Variants in ADGRL2 observed in about 807,000 individuals in gnomAD.
ADGRL2 encodes adhesion G protein-coupled receptor L2.
A neutral mutation model predicts 157.4 loss-of-function variants in ADGRL2; 44 were observed. That is an observed-to-expected ratio of 0.28 (90% CI 0.22 to 0.36). ADGRL2 has a LOEUF of 0.36. ADGRL2 is among the 10% of genes least tolerant of loss of function. The pLI, the probability that ADGRL2 is intolerant of heterozygous loss-of-function variation, is 1.00. For missense variants in ADGRL2, 1,510 were observed against 1,768.9 expected (o/e 0.85, Z 2.63); for synonymous variants, 585 against 624.7 (o/e 0.94, Z 0.95).
intron 1 of ADGRL2, among the ~76,000 whole-genome samples, chr1:81,401,260 C>A (rs1427112592): frequency 6.6e-6 from 1 of 152,158 alleles, no homozygotes; most frequent in Non-Finnish European, 1.5e-5. Context: ...TTCTGGGATG[C>A]CTGGTGCTGC....
intron 8 of ADGRL2, 52 bp downstream of exon 8, chr1:81,951,173 CT>C: frequency 8.4e-7 from 1 of 1,190,098 alleles, no homozygotes; most frequent in South Asian, 1.2e-5. Flanking sequence ...GCATTAACTT[CT>C]AACATAAATA....
intron 3 of ADGRL2, among the ~76,000 whole-genome samples, chr1:81,693,501 G>C (rs962025167): frequency 6.6e-6 from 1 of 152,198 alleles, no homozygotes; most frequent in African/African-American, 2.4e-5. Context: ...GACACATTAT[G>C]ACTTCCCTGT....
intron 2 of ADGRL2, 142 bp downstream of exon 2, chr1:81,837,199 T>C: frequency 2.0e-6 from 1 of 493,612 alleles, no homozygotes; most frequent in Admixed American, 4.2e-5. Flanking sequence ...GAATTGTTTA[T>C]TAGGTGGTTG....
intron 2 of ADGRL2, among the ~76,000 whole-genome samples, chr1:81,903,719 A>C (rs1275275136): frequency 6.9e-6 from 1 of 144,170 alleles, no homozygotes; most frequent in East Asian, 2.0e-4. Flanking sequence ...TATTCATTAT[A>C]TATATATATA....
chr1:81,486,264 C>T (rs2078497869), intron 2 of ADGRL2, among the ~76,000 whole-genome samples: 1 of 152,120 alleles, frequency 6.6e-6, no homozygotes, highest in African/African-American at 2.4e-5. Context: ...GTTTACAAGA[C>T]CGATATTCCC....
In ADGRL2 at chr1:81,430,121, G is replaced by A. The variant is rs971156094; in HGVS notation, c.-301-14915G>A. ...TTGGTCAGGCTGGTTTCGAACTCCCGACCTCAGGTGATCCGCCAGCCTGGG... is the reference window on the plus strand; with the variant it reads ...TTGGTCAGGCTGGTTTCGAACTCCCAACCTCAGGTGATCCGCCAGCCTGGG... On this transcript the variant is annotated intron_variant, in intron 1 of 24. Coordinates refer to the ADGRL2 transcript ENST00000370721. Among the ~76,000 whole-genome samples the A allele has an allele frequency of 1.4e-4, 21 of 152,288 alleles. 1 individual carries two copies. Among genetic ancestry groups the A allele is most frequent in the Admixed American group, 1.1e-3 (17 of 15,284 alleles).
intron 2 of ADGRL2, among the ~76,000 whole-genome samples, chr1:81,456,134 A>G (rs2077800679): frequency 6.6e-6 from 1 of 152,226 alleles, no homozygotes; most frequent in African/African-American, 2.4e-5. Flanking sequence ...AAAGTGTTAC[A>G]TAACAACACA....
chr1:81,560,088 G>C (rs2080406059), intron 2 of ADGRL2, among the ~76,000 whole-genome samples: 1 of 152,150 alleles, frequency 6.6e-6, no homozygotes, highest in Non-Finnish European at 1.5e-5. Context: ...ATAGAGGCTT[G>C]CAGCTGCCCT....
chr1:81,350,022 C>T (rs946655815), intron 1 of ADGRL2, among the ~76,000 whole-genome samples: 6 of 152,036 alleles, frequency 3.9e-5, no homozygotes, highest in African/African-American at 1.2e-4. Context: ...AAATAATTAC[C>T]GCAAATGTCA....
rs556633242 is a variant in ADGRL2, at chr1:81,604,993, A to T, written c.-143+24013A>T. Among the ~76,000 whole-genome samples, 4 of 152,302 alleles carry T rather than the reference A, an allele frequency of 2.6e-5. No individual in the cohort carries two copies. In the South Asian group the frequency reaches 8.3e-4, roughly 32 times the overall value. The stretch of plus-strand genomic sequence containing the variant: ...AAGCACTTACACATAATCTCTTTTC[A>T]GCTTCCGAGACTGGAAACTTTACAG... On this transcript the variant is annotated intron_variant, in intron 3 of 24. Transcript: ENST00000370721.
chr1:81,736,977 G>A (rs2084921878), intron 1 of ADGRL2, among the ~76,000 whole-genome samples: 1 of 152,006 alleles, frequency 6.6e-6, no homozygotes, highest in African/African-American at 2.4e-5. Context: ...TGGGACTACG[G>A]GTGCTCGCCA....
At position 81,385,593 on chromosome 1, in the gene ADGRL2, G is replaced by A. The variant is rs4414081; in HGVS notation, c.-301-59443G>A. The stretch of plus-strand genomic sequence containing the variant: ...GCTAGTAAACATTGTTTTGGGGAGA[G>A]TGGCAAAAAAAAAAAATCCTAGATA... On this transcript the variant is annotated intron_variant, in intron 1 of 24. Coordinates refer to the ADGRL2 transcript ENST00000370721. 6.2e-5 allele frequency among the ~76,000 whole-genome samples: 8 copies of A among 130,054 alleles called. No homozygotes were observed. In the South Asian group the frequency reaches 1.6e-3, roughly 25 times the overall value. The allele number at this position is 130,054 out of a possible 152,430, so 85.3% of individuals were successfully genotyped here.
At chr1:81,697,984 G>A (rs149615411), upstream of ADGRL2, among the ~76,000 whole-genome samples, 267 of 152,202 alleles carry the variant, frequency 1.8e-3, 3 homozygotes, top group African/African-American at 6.2e-3. Flanking sequence ...ATTTAGGAAA[G>A]GCATGGACAA....
intron 1 of ADGRL2, among the ~76,000 whole-genome samples, chr1:81,834,797 G>A (rs994612459): frequency 1.3e-4 from 19 of 151,930 alleles, no homozygotes; most frequent in Non-Finnish European, 2.9e-5. Flanking sequence ...GTTTCCATTT[G>A]TCAGAAACAA....
intron 2 of ADGRL2, among the ~76,000 whole-genome samples, chr1:81,780,284 A>T (rs1429679769): frequency 3.3e-5 from 5 of 152,166 alleles, no homozygotes; most frequent in African/African-American, 1.2e-4. Flanking sequence ...GAAAACCAGA[A>T]CATTCCCCTT....
intron 3 of ADGRL2, among the ~76,000 whole-genome samples, chr1:81,676,246 T>C (rs1411705880): frequency 1.3e-5 from 2 of 152,030 alleles, no homozygotes; most frequent in East Asian, 3.9e-4. Flanking sequence ...CCTGACCTCA[T>C]GATCTGCCCG....
chr1:81,968,911 T>C (rs1657917277), intron 14 of ADGRL2, among the ~76,000 whole-genome samples: 1 of 152,268 alleles, frequency 6.6e-6, no homozygotes, highest in Non-Finnish European at 1.5e-5. Flanking sequence ...AATTCAGTCA[T>C]ACTTTGAAAT....
intron 1 of ADGRL2, among the ~76,000 whole-genome samples, chr1:81,424,711 C>T (rs1232500433): frequency 6.6e-6 from 1 of 152,186 alleles, no homozygotes; most frequent in Non-Finnish European, 1.5e-5. Context: ...TCCAAAGTCA[C>T]ACTCTCCTGA....
upstream of ADGRL2, among the ~76,000 whole-genome samples, chr1:81,796,044 G>A (rs2087569186): frequency 6.6e-6 from 1 of 152,172 alleles, no homozygotes; most frequent in African/African-American, 2.4e-5. Context: ...TGGCTGGAGT[G>A]CAGTGGCACT....
Sources: gnomAD v4.1 joint callset for allele counts (sites outside exome capture counted in the v4.1 genomes callset) on GRCh38, gnomAD v4.1.1 for gene constraint, MANE v1.5 for transcripts, NCBI Gene and HGNC (gene_info 2026-07-23, HGNC 2026-07-21) for gene names.